OGDH: variants seen among roughly 807,000 people sequenced by gnomAD.
OGDH encodes the protein oxoglutarate dehydrogenase, also known as 2-oxoglutarate dehydrogenase complex component E1.
Under a neutral mutation model 116.6 loss-of-function variants are expected in OGDH, and 38 were observed. The observed-to-expected ratio is 0.33, with a 90% CI of 0.25 to 0.43. OGDH has a LOEUF of 0.43. Ranked by LOEUF, OGDH falls within the 20% of genes least tolerant of loss-of-function variation. OGDH has a pLI of 1.00. For synonymous variants in OGDH, 488 were observed against 533.3 expected, an observed-to-expected ratio of 0.92 and a Z score of 1.17; for missense variants, 825 against 1,357.2, an observed-to-expected ratio of 0.61 and a Z score of 6.16.
intron 1 of OGDH, among the ~76,000 whole-genome samples, chr7:44,620,344 C>T (rs1030831996): frequency 6.6e-6 from 1 of 152,162 alleles, no homozygotes; most frequent in South Asian, 2.1e-4. Flanking sequence ...TGATGAAATC[C>T]AATTTGTGGT....
At chr7:44,696,188 C>G in intron 13 of OGDH, 61 bp downstream of exon 13, 1 of 1,261,860 alleles carries the variant, frequency 7.9e-7, no homozygotes, top group Non-Finnish European at 1.2e-6. Flanking sequence ...ACGAGGCATC[C>G]TCTTCCCAGA....
At chr7:44,675,941 G>A in intron 8 of OGDH, 29 bp from the exon 9 acceptor site, 1 of 1,605,588 alleles carries the variant, frequency 6.2e-7, no homozygotes, top group South Asian at 1.1e-5. Flanking sequence ...TCCTTGGCCA[G>A]GGTGCAAATT....
intron 2 of OGDH, among the ~76,000 whole-genome samples, chr7:44,636,346 T>C (rs1046053418): frequency 6.6e-6 from 1 of 152,224 alleles, no homozygotes; most frequent in Non-Finnish European, 1.5e-5. Context: ...GGCAGGGAGC[T>C]TGGCCCTCAA....
chr7:44,612,750 A>G (rs1215736283), intron 1 of OGDH, among the ~76,000 whole-genome samples: 4 of 151,782 alleles, frequency 2.6e-5, no homozygotes, highest in Non-Finnish European at 5.9e-5. Context: ...AGGCTGGAGT[A>G]GAGTGGCATT....
chr7:44,631,189 A>G (rs529424309), intron 2 of OGDH, among the ~76,000 whole-genome samples: 164 of 152,332 alleles, frequency 1.1e-3, no homozygotes, highest in Non-Finnish European at 1.9e-3. Flanking sequence ...GGTTGAATCC[A>G]TGGATGCAGA....
intron 2 of OGDH, among the ~76,000 whole-genome samples, chr7:44,640,807 G>A (rs1009936675): frequency 1.1e-4 from 17 of 152,124 alleles, no homozygotes; most frequent in African/African-American, 3.4e-4. Context: ...AGCTAGACTT[G>A]GGGTGCGGGT....
At chr7:44,641,221 T>C (rs901489344) in intron 2 of OGDH, among the ~76,000 whole-genome samples, 3 of 123,032 alleles carry the variant, frequency 2.4e-5, no homozygotes, top group African/African-American at 9.7e-5. Flanking sequence ...TTTTTTTTTT[T>C]TTTCTTTTTT....
rs56718274 is a variant in OGDH at position 44,680,539 on chromosome 7, T to TACACACACACAC, written c.1207-1157_1207-1146dup. On this transcript the variant is annotated intron_variant, in intron 9 of 22. Coordinates refer to ENST00000222673, the MANE Select transcript of OGDH (RefSeq NM_002541.4). ...AATACAAACTCATAGTTTTATTGCA[T>TACACACACACAC]ACACACACACACACACACACACACA... Among the ~76,000 whole-genome samples, 446 of 145,942 alleles carry TACACACACACAC rather than the reference T, an allele frequency of 3.1e-3. 1 individual carries two copies. The highest frequency in any genetic ancestry group is 9.7e-3 in the African/African-American group (391 of 40,354).
chr7:44,616,529 A>C (rs1335269861), intron 1 of OGDH, among the ~76,000 whole-genome samples: 1 of 151,914 alleles, frequency 6.6e-6, no homozygotes, highest in Non-Finnish European at 1.5e-5. Context: ...GCCACTCCAA[A>C]TTAGCTAATG....
intron 5 of OGDH, among the ~76,000 whole-genome samples, chr7:44,671,197 T>A (rs1009463272): frequency 6.6e-6 from 1 of 152,036 alleles, no homozygotes. Context: ...CTGCTTCCAC[T>A]CCTAGTGGAA....
rs79628874 is a variant in OGDH, at chr7:44,640,581, G to A, written c.223-4746G>A. ...ATTGTCCCCTAGGATAAAGGAGGCT[G>A]TCTGTACAGCTGGAGAGACTCTTGA... is the stretch of plus-strand genomic sequence containing the variant. On this transcript the variant is annotated intron_variant, in intron 2 of 22. Transcript: ENST00000222673. Among the ~76,000 whole-genome samples the A allele has an allele frequency of 1.6e-4, 24 of 152,348 alleles. No individual in the cohort carries two copies. The East Asian group carries it at 4.6e-3, about 29-fold the overall frequency.
chr7:44,698,438 G>A (rs911431751), intron 18 of OGDH, among the ~76,000 whole-genome samples, 175 bp downstream of exon 18: 1 of 152,054 alleles, frequency 6.6e-6, no homozygotes, highest in African/African-American at 2.4e-5. Context: ...GGGCGCCCTG[G>A]GATGAGAGAC....
intron 18 of OGDH, among the ~76,000 whole-genome samples, chr7:44,699,504 CTT>C (rs895862201): frequency 6.7e-6 from 1 of 148,420 alleles, no homozygotes; most frequent in Non-Finnish European, 1.5e-5. Context: ...TTAGGTAGAA[CTT>C]GTGTCTCTTA....
intron 2 of OGDH, among the ~76,000 whole-genome samples, chr7:44,633,815 ACCT>A (rs2115611893): frequency 6.6e-6 from 1 of 152,244 alleles, no homozygotes; most frequent in Admixed American, 6.5e-5. Context: ...GGTCTTCCTC[ACCT>A]CCTTGAGAGT....
intron 2 of OGDH, among the ~76,000 whole-genome samples, chr7:44,633,487 G>A (rs974647685): frequency 2.0e-5 from 3 of 152,122 alleles, no homozygotes; most frequent in African/African-American, 4.8e-5. Context: ...TTTAGATGAA[G>A]TCATCATGTT....
intron 1 of OGDH, among the ~76,000 whole-genome samples, chr7:44,616,954 C>T (rs1324577067): frequency 6.2e-5 from 8 of 129,072 alleles, no homozygotes; most frequent in Admixed American, 3.7e-4. Flanking sequence ...CCTTTCGGAG[C>T]TCTGGAGTCT....
At chr7:44,629,580 C>CTTTTTT (rs71701992) in intron 2 of OGDH, among the ~76,000 whole-genome samples, 7 of 60,034 alleles carry the variant, frequency 1.2e-4, no homozygotes, top group Non-Finnish European at 2.3e-4. Flanking sequence ...TTTTTCTTTT[C>CTTTTTT]TTTTTTTTTT....
rs2116363851 is a variant in OGDH at position 44,697,212 on chromosome 7, G to A, written c.2051+148G>A. The A allele has an allele frequency of 2.8e-6, 4 of 1,446,456 alleles. No individual in the cohort carries two copies. The highest frequency in any genetic ancestry group is 3.6e-4 in the Middle Eastern group (2 of 5,494). The allele number at this position is 1,446,456 out of a possible 1,614,324, so 89.6% of individuals were successfully genotyped here. On this transcript the variant is annotated intron_variant, in intron 15 of 22. Transcript: ENST00000222673. The surrounding 1 kb of genome is among the most constrained non-coding windows in gnomAD (Gnocchi z 6.0). ...AACCTCTGTCCCTCATTTGCTATGGGTGCTTCTGTTAAGACCTGGGTGGGG... is the reference window on the plus strand; with the variant it reads ...AACCTCTGTCCCTCATTTGCTATGGATGCTTCTGTTAAGACCTGGGTGGGG...
chr7:44,676,255 T>TA (rs1787688257), intron 9 of OGDH, 106 bp downstream of exon 9: 2 of 1,589,426 alleles, frequency 1.3e-6, no homozygotes, highest in Non-Finnish European at 1.7e-6. Context: ...ATCTAGACTT[T>TA]AAAAAAATAT....
Sources: gnomAD v4.1 joint callset for allele counts (sites outside exome capture counted in the v4.1 genomes callset) on GRCh38, gnomAD v4.1.1 for gene constraint, Gnocchi (gnomAD v3.1) non-coding constraint, MANE v1.5 for transcripts, NCBI Gene and HGNC (gene_info 2026-07-23, HGNC 2026-07-21) for gene names.